Variants in SLCO5A1 observed in about 807,000 individuals in gnomAD.
SLCO5A1 encodes the protein solute carrier organic anion transporter family member 5A1.
SLCO5A1 carries 39 observed loss-of-function variants against 65.1 expected under a neutral mutation model. The ratio of observed to expected loss-of-function variants is 0.60; its 90% confidence interval spans 0.46 to 0.78. The LOEUF is 0.78. Among genes scored for constraint, SLCO5A1 ranks in the 30% least tolerant of loss-of-function variants. The pLI is 0.00. For missense variants in SLCO5A1, 1,029 were observed against 1,069.4 expected, an observed-to-expected ratio of 0.96 and a Z score of 0.53; for synonymous variants, 438 against 415.7, an observed-to-expected ratio of 1.05 and a Z score of -0.65.
intron 4 of SLCO5A1, among the ~76,000 whole-genome samples, chr8:69,741,542 A>C (rs1280652243): frequency 6.6e-6 from 1 of 152,184 alleles, no homozygotes; most frequent in South Asian, 2.1e-4. Context: ...TTCCCCACAA[A>C]GTTCTTTTTA....
At chr8:69,778,228 G>T (rs549882185) in intron 2 of SLCO5A1, among the ~76,000 whole-genome samples, 195 of 143,040 alleles carry the variant, frequency 1.4e-3, no homozygotes, top group Middle Eastern at 7.3e-3. Context: ...ATATGTATGG[G>T]GTGTGTGTGT....
chr8:69,693,130 T>A (rs1814347647), intron 6 of SLCO5A1, among the ~76,000 whole-genome samples: 1 of 152,230 alleles, frequency 6.6e-6, no homozygotes, highest in Admixed American at 6.5e-5. Context: ...TCTTACAGGA[T>A]GACCATTGTA....
chr8:69,800,603 G>T (rs984074586), intron 2 of SLCO5A1, among the ~76,000 whole-genome samples: 1 of 151,998 alleles, frequency 6.6e-6, no homozygotes, highest in African/African-American at 2.4e-5. Flanking sequence ...GATTCATTGG[G>T]ATTTCTCAAC....
rs1342560470 is a variant in SLCO5A1, at chr8:69,831,768, T to C, written c.906A>G (p.Leu302=). The C allele has an allele frequency of 6.2e-7, 1 of 1,612,578 alleles. No homozygotes were observed. Among genetic ancestry groups the C allele is most frequent in the Non-Finnish European group, 8.5e-7 (1 of 1,179,706 alleles). ...TCTGAGAGAACAGGAAAGTCTTACCTAGGTACAAGGAGGAGTTTTCTTTCT... is the reference window on the plus strand; with the variant it reads ...TCTGAGAGAACAGGAAAGTCTTACCCAGGTACAAGGAGGAGTTTTCTTTCT... ...NVKKENSSLY[L]AIMYVMGALG... Residue 302 remains leucine (L), a splice_region_variant and synonymous_variant, in exon 2 of 10, where the codon CTA becomes CTG. Transcript: ENST00000260126.
chr8:69,737,219 G>A (rs1216416927), intron 5 of SLCO5A1, among the ~76,000 whole-genome samples: 11 of 152,094 alleles, frequency 7.2e-5, no homozygotes, highest in Admixed American at 7.2e-4. Flanking sequence ...GATAATTCAA[G>A]TTTACTGGAT....
intron 2 of SLCO5A1, among the ~76,000 whole-genome samples, chr8:69,778,820 G>A (rs2130880772): frequency 6.6e-6 from 1 of 152,160 alleles, no homozygotes; most frequent in East Asian, 1.9e-4. Flanking sequence ...GACACATCCT[G>A]AACATCAATA....
At chr8:69,773,459 T>C (rs1818424753) in intron 2 of SLCO5A1, among the ~76,000 whole-genome samples, 2 of 152,100 alleles carry the variant, frequency 1.3e-5, no homozygotes, top group Admixed American at 6.5e-5. Flanking sequence ...CCTCTCTGCT[T>C]TTGCACCAGT....
At chr8:69,818,877 T>C (rs1051941744) in intron 2 of SLCO5A1, among the ~76,000 whole-genome samples, 10 of 152,222 alleles carry the variant, frequency 6.6e-5, no homozygotes, top group African/African-American at 1.2e-4. Flanking sequence ...CTTCCACTCA[T>C]GGCGCCACAT....
chr8:69,832,562 A>C lies in SLCO5A1; in HGVS notation c.112T>G (p.Leu38Val). The change falls in exon 2 of 10, where the codon TTA becomes GTA. Residue 38 changes from leucine (L) to valine (V), a missense_variant. Physicochemically the swap from Leu to Val is conservative, Grantham distance 32. Coordinates refer to ENST00000260126, the MANE Select transcript of SLCO5A1 (RefSeq NM_030958.3). The surrounding 1 kb of genome is among the most constrained non-coding windows in gnomAD (Gnocchi z 4.5). ...CEPETLRSKS[L>V]PVLSSASCRP... ...CAGGAGGCGCTGCTGAGGACCGGTA[A>C]ACTCTTAGACCTGAGGGTCTCCGGC... The C allele has an allele frequency of 6.2e-7, 1 of 1,612,086 alleles. No homozygotes were observed. The highest frequency in any genetic ancestry group is 1.7e-4 in the Middle Eastern group (1 of 6,050).
chr8:69,828,053 T>G (rs1820995024), intron 2 of SLCO5A1, among the ~76,000 whole-genome samples: 1 of 152,154 alleles, frequency 6.6e-6, no homozygotes, highest in South Asian at 2.1e-4. Flanking sequence ...TTGAGGCCCT[T>G]AGTAAGTCAC....
chr8:69,716,667 T>C (rs766202360), intron 5 of SLCO5A1, among the ~76,000 whole-genome samples: 182 of 152,224 alleles, frequency 1.2e-3, no homozygotes, highest in Non-Finnish European at 1.9e-3. Context: ...TTTAATTGGC[T>C]TATTTTTCTT....
rs909225245 is a variant in SLCO5A1, at chr8:69,671,614, A to G, written c.*1255T>C. 1.3e-5 allele frequency: 2 copies of G among 152,240 alleles called. No homozygotes were observed. The highest frequency in any genetic ancestry group is 2.9e-5 in the Non-Finnish European group (2 of 68,044). 9.4% of individuals were successfully genotyped at this position (152,240 alleles called of 1,614,324 possible). On this transcript the variant is annotated 3_prime_UTR_variant, in exon 10 of 10. Coordinates refer to ENST00000260126, the MANE Select transcript of SLCO5A1 (RefSeq NM_030958.3). ...GTAATGAACCCAAAGTGCATTTAGG[A>G]ACAGAAAAATCCTCTCTCAGAATCA...
Position 69,705,048 on chromosome 8 carries a change from G to T in SLCO5A1, c.1605C>A (p.Asn535Lys). 6.2e-7 allele frequency: 1 copy of T among 1,612,660 alleles called. No individual in the cohort carries two copies. The highest frequency in any genetic ancestry group is 8.5e-7 in the Non-Finnish European group (1 of 1,180,004). ...GTACTTACCCTGTTGTATAAGGGATGTTTATGCCCCCTAGATTAATGCTTT... is the reference window on the plus strand; with the variant it reads ...GTACTTACCCTGTTGTATAAGGGATTTTTATGCCCCCTAGATTAATGCTTT... ...GCESINLGGI[N>K]IPYTTGPSLT... The change falls in exon 6 of 10, where the codon AAC becomes AAA. Residue 535 changes from asparagine (N) to lysine (K), a missense_variant. Physicochemically the swap from Asn to Lys is moderately conservative, Grantham distance 94 (BLOSUM62 0). Around this residue, in one of 3 missense-constraint regions of SLCO5A1, gnomAD observed 124 missense variants for 184.5 expected, o/e 0.67. Coordinates refer to ENST00000260126, the MANE Select transcript of SLCO5A1 (RefSeq NM_030958.3).
intron 2 of SLCO5A1, among the ~76,000 whole-genome samples, chr8:69,767,623 G>T (rs1317876917): frequency 6.6e-6 from 1 of 152,058 alleles, no homozygotes; most frequent in African/African-American, 2.4e-5. Flanking sequence ...CAGGCATGGT[G>T]GCTCATGCCT....
Position 69,690,086 on chromosome 8 carries a change from A to C in SLCO5A1, c.1623-7743T>G, listed in dbSNP as rs529450318. Among the ~76,000 whole-genome samples, 36 of 151,974 alleles carry C rather than the reference A, an allele frequency of 2.4e-4. No individual in the cohort carries two copies. The East Asian group carries it at 6.6e-3, about 28-fold the overall frequency. Reference sequence around the variant, plus strand: ...GCCAGGGGCCTCCCACTTATTCTACACCTCTCATGTCTCTTCACCATGCCA... The same window carrying C: ...GCCAGGGGCCTCCCACTTATTCTACCCCTCTCATGTCTCTTCACCATGCCA... On this transcript the variant is annotated intron_variant, in intron 6 of 9. Transcript: ENST00000260126.
intron 5 of SLCO5A1, among the ~76,000 whole-genome samples, chr8:69,714,052 A>C (rs1454669952): frequency 6.6e-6 from 1 of 152,236 alleles, no homozygotes; most frequent in East Asian, 1.9e-4. Context: ...AGACAGCGCG[A>C]TAAGTATACA....
At chr8:69,827,008 G>A (rs1820951315) in intron 2 of SLCO5A1, among the ~76,000 whole-genome samples, 1 of 152,056 alleles carries the variant, frequency 6.6e-6, no homozygotes, top group African/African-American at 2.4e-5. Context: ...GGACATGGAT[G>A]AAGCTGGAAA....
At chr8:69,738,870 C>T (rs1226588721) in intron 4 of SLCO5A1, among the ~76,000 whole-genome samples, 1 of 152,132 alleles carries the variant, frequency 6.6e-6, no homozygotes, top group African/African-American at 2.4e-5. Flanking sequence ...TAAAGCCTCA[C>T]CCTTGAGTCT....
At chr8:69,744,276 G>A (rs1007369541) in intron 4 of SLCO5A1, among the ~76,000 whole-genome samples, 10 of 152,318 alleles carry the variant, frequency 6.6e-5, no homozygotes, top group South Asian at 6.2e-4. Context: ...CACTGAGTGC[G>A]CCAGGCCTGT....
Sources: gnomAD v4.1 joint callset for allele counts (sites outside exome capture counted in the v4.1 genomes callset) on GRCh38, gnomAD v4.1.1 for gene constraint, gnomAD v4.1.1 regional missense constraint, Gnocchi (gnomAD v3.1) non-coding constraint, MANE v1.5 for transcripts, NCBI Gene and HGNC (gene_info 2026-07-23, HGNC 2026-07-21) for gene names.